CACNA1C: variants seen among roughly 807,000 people sequenced by gnomAD.
The protein encoded by CACNA1C is calcium voltage-gated channel subunit alpha1 C.
CACNA1C carries 30 observed loss-of-function variants against 229.0 expected under a neutral mutation model. That is an observed-to-expected ratio of 0.13 (90% CI 0.10 to 0.18). The LOEUF (loss-of-function observed/expected upper bound fraction) is 0.18, where lower values mean the gene tolerates loss of function less well. CACNA1C is among the 10% of genes least tolerant of loss of function. The pLI is 1.00. For synonymous variants in CACNA1C, 1,114 were observed against 1,132.5 expected (o/e 0.98, Z 0.33); for missense variants, 1,658 against 2,845.0 (o/e 0.58, Z 9.49).
chr12:2,460,599 A>G (rs1156385952), intron 5 of CACNA1C, among the ~76,000 whole-genome samples: 1 of 152,226 alleles, frequency 6.6e-6, no homozygotes, highest in Non-Finnish European at 1.5e-5. Flanking sequence ...TAAGTAAGGT[A>G]GACGTGTCTT....
intron 1 of CACNA1C, among the ~76,000 whole-genome samples, chr12:2,114,638 C>T (rs185018943): frequency 1.2e-4 from 19 of 152,284 alleles, no homozygotes; most frequent in Admixed American, 1.0e-3. Flanking sequence ...TCCAGCCCTT[C>T]TCATTTTATT....
At chr12:2,680,549 A>G in intron 42 of CACNA1C, 4 of 1,569,266 alleles carry the variant, frequency 2.5e-6, no homozygotes, top group Non-Finnish European at 3.5e-6. Context: ...GGCTCCCAGC[A>G]GGCTGCACAG....
intron 13 of CACNA1C, among the ~76,000 whole-genome samples, chr12:2,578,959 G>T (rs1490843540): frequency 6.6e-6 from 1 of 152,104 alleles, no homozygotes; most frequent in East Asian, 1.9e-4. Flanking sequence ...CCCTCTTAGA[G>T]ACTGGATCTG....
intron 1 of CACNA1C, among the ~76,000 whole-genome samples, chr12:2,008,280 G>A (rs2043821698): frequency 6.6e-6 from 1 of 152,016 alleles, no homozygotes; most frequent in Admixed American, 6.6e-5. Context: ...ACCATGCCCG[G>A]CCAATGTTTT....
chr12:2,261,002 T>G (rs1203742891), intron 3 of CACNA1C, among the ~76,000 whole-genome samples: 2 of 152,086 alleles, frequency 1.3e-5, no homozygotes, highest in Non-Finnish European at 2.9e-5. Flanking sequence ...AGGCCGAGGC[T>G]GGCAGATCAC....
At position 2,403,783 on chromosome 12, in the gene CACNA1C, C is replaced by T. The variant is rs145503215; in HGVS notation, c.478-45193C>T. Among the ~76,000 whole-genome samples, 2 of 152,240 alleles carry T rather than the reference C, an allele frequency of 1.3e-5. No homozygotes were observed. Among genetic ancestry groups the T allele is most frequent in the East Asian group, 3.9e-4 (2 of 5,158 alleles). On this transcript the variant is annotated intron_variant, in intron 3 of 46. Transcript: ENST00000399655. This position sits in a 1 kb window ranked among gnomAD's most constrained non-coding sequence, Gnocchi z 4.1. The stretch of plus-strand genomic sequence containing the variant: ...CACATCACTCAGGGGCTGCGTGGAG[C>T]ACTCGGTGCCTTTCCCACCACAAGA...
At chr12:2,400,707 C>T (rs1300844616) in intron 3 of CACNA1C, among the ~76,000 whole-genome samples, 1 of 152,182 alleles carries the variant, frequency 6.6e-6, no homozygotes, top group Non-Finnish European at 1.5e-5. Context: ...ATTTATCCAT[C>T]TGCTTCCAAG....
chr12:2,529,771 C>T (rs1599014426), intron 9 of CACNA1C, among the ~76,000 whole-genome samples: 1 of 152,252 alleles, frequency 6.6e-6, no homozygotes, highest in Non-Finnish European at 1.5e-5. Context: ...AATTTCTCCT[C>T]CTCTTTCTTC....
At chr12:2,514,325 C>T (rs139498204) in intron 9 of CACNA1C, among the ~76,000 whole-genome samples, 53 of 152,340 alleles carry the variant, frequency 3.5e-4, no homozygotes, top group Non-Finnish European at 4.6e-4. Flanking sequence ...TTTCTGATAA[C>T]GCTGCTCAAG....
At chr12:2,340,216 A>G (rs531682802) in intron 3 of CACNA1C, among the ~76,000 whole-genome samples, 1 of 152,382 alleles carries the variant, frequency 6.6e-6, no homozygotes, top group East Asian at 1.9e-4. Context: ...TGTAAAATAA[A>G]TAACTGTATT....
Position 2,688,552 on chromosome 12 carries a change from T to C in CACNA1C, c.5890T>C (p.Trp1964Arg), listed in dbSNP as rs2097647539. The C allele has an allele frequency of 6.2e-7, 1 of 1,613,816 alleles. No individual in the cohort carries two copies. The change falls in exon 46 of 47, where the codon TGG becomes CGG. Residue 1964 changes from tryptophan to arginine, a missense_variant. By Grantham distance (101) the Trp-to-Arg change is moderately radical. This residue lies in a region of CACNA1C where 590 missense variants were observed against 700.8 expected (regional missense o/e 0.84). Transcript: ENST00000399655. ...ACCAGCCACACCTGGCAGCCGAGGCTGGCCCCCACAGCCCGTCCCCACCCT... is the reference window on the plus strand; with the variant it reads ...ACCAGCCACACCTGGCAGCCGAGGCCGGCCCCCACAGCCCGTCCCCACCCT... ...TPPATPGSRG[W>R]PPQPVPTLRL... is the part of the protein sequence containing the mutation.
At chr12:2,090,499 G>C (rs1322829594) in intron 1 of CACNA1C, among the ~76,000 whole-genome samples, 1 of 151,832 alleles carries the variant, frequency 6.6e-6, no homozygotes, top group East Asian at 1.9e-4. Flanking sequence ...TGTATTCTTA[G>C]TAGAGACAGG....
intron 1 of CACNA1C, among the ~76,000 whole-genome samples, chr12:1,998,401 C>T (rs2041437792): frequency 2.6e-5 from 4 of 152,128 alleles, no homozygotes; most frequent in Admixed American, 2.6e-4. Context: ...TTTCTGGGTT[C>T]ATTTTCTCCT....
In CACNA1C at chr12:2,034,655, T is replaced by C. The variant is rs1321441956; in HGVS notation, c.139+63454T>C. On this transcript the variant is annotated intron_variant, in intron 1 of 46. Transcript: ENST00000682462. This position sits in a 1 kb window ranked among gnomAD's most constrained non-coding sequence, Gnocchi z 4.1. ...CAATATCCGACGACTTTGAAATAAT[T>C]CGAGGGCTAACTGGCTCATCTAGTG... 6.6e-6 allele frequency among the ~76,000 whole-genome samples: 1 copy of C among 152,202 alleles called. No homozygotes were observed. The highest frequency in any genetic ancestry group is 1.9e-4 in the East Asian group (1 of 5,206).
chr12:2,542,000 C>G (rs1408593637), intron 9 of CACNA1C, among the ~76,000 whole-genome samples: 4 of 152,122 alleles, frequency 2.6e-5, no homozygotes, highest in Non-Finnish European at 5.9e-5. Context: ...TCTCCCCATC[C>G]TCCTGCCAGT....
chr12:2,532,565 C>T (rs2099843671), intron 9 of CACNA1C, among the ~76,000 whole-genome samples: 1 of 152,202 alleles, frequency 6.6e-6, no homozygotes, highest in Non-Finnish European at 1.5e-5. Context: ...TGAAGCTGCC[C>T]AGGGCCCATG....
chr12:2,541,867 C>T (rs886828927), intron 9 of CACNA1C, among the ~76,000 whole-genome samples: 1 of 152,188 alleles, frequency 6.6e-6, no homozygotes, highest in African/African-American at 2.4e-5. Flanking sequence ...CATCTCGCCC[C>T]ACATCCATCC....
intron 38 of CACNA1C, 25 bp downstream of exon 38, chr12:2,669,060 A>G (rs200862633): frequency 2.1e-6 from 3 of 1,455,872 alleles, no homozygotes; most frequent in African/African-American, 2.8e-5. Context: ...GGGCACTGGG[A>G]GAGACACTCA....
chr12:2,471,425 C>T (rs1261672590), intron 5 of CACNA1C, among the ~76,000 whole-genome samples: 3 of 152,326 alleles, frequency 2.0e-5, no homozygotes, highest in East Asian at 3.9e-4. Context: ...GCTTCTACTA[C>T]ACATTCTATA....
Sources: allele counts gnomAD v4.1 joint callset (sites outside exome capture counted in the v4.1 genomes callset), GRCh38; gene constraint gnomAD v4.1.1; regional missense constraint gnomAD v4.1.1; non-coding constraint Gnocchi (gnomAD v3.1); transcripts MANE v1.5; gene names NCBI Gene and HGNC (gene_info 2026-07-23, HGNC 2026-07-21).